SEMA3A: variants seen among roughly 807,000 people sequenced by gnomAD.
SEMA3A encodes semaphorin 3A.
Under a neutral mutation model 97.9 loss-of-function variants are expected in SEMA3A, and 29 were observed. That is an observed-to-expected ratio of 0.30 (90% CI 0.22 to 0.40). The LOEUF is 0.40. SEMA3A is among the 10% of genes least tolerant of loss of function. SEMA3A has a pLI of 1.00. For missense variants in SEMA3A, 763 were observed against 951.3 expected, an observed-to-expected ratio of 0.80 and a Z score of 2.60; for synonymous variants, 321 against 323.7, an observed-to-expected ratio of 0.99 and a Z score of 0.09.
intron 1 of SEMA3A, among the ~76,000 whole-genome samples, chr7:84,457,214 G>T (rs555550759): frequency 7.4e-4 from 113 of 151,724 alleles, no homozygotes; most frequent in African/African-American, 2.6e-3. Context: ...TAGTTTTCCT[G>T]AGTCAGTTAT....
intron 1 of SEMA3A, among the ~76,000 whole-genome samples, chr7:84,406,203 A>G (rs1804082157): frequency 1.3e-5 from 2 of 152,208 alleles, no homozygotes; most frequent in African/African-American, 4.8e-5. Flanking sequence ...GCAATAAAAA[A>G]TGACAAAGGG....
At chr7:84,218,658 C>A (rs530925445) in intron 3 of SEMA3A, among the ~76,000 whole-genome samples, 6 of 151,914 alleles carry the variant, frequency 3.9e-5, no homozygotes, top group Non-Finnish European at 7.4e-5. Flanking sequence ...GACATTTTTT[C>A]TTAAAAATAA....
chr7:84,136,948 AGGAGGGAGGGAAGAAGGAAG>A (rs1443371753), intron 1 of SEMA3A, among the ~76,000 whole-genome samples: 1 of 118,070 alleles, frequency 8.5e-6, no homozygotes, highest in Non-Finnish European at 1.9e-5. Flanking sequence ...GAGGGAGGGA[AGGAGGGAGGGAAGAAGGAAG>A]GAAGGAAGGA....
intron 1 of SEMA3A, among the ~76,000 whole-genome samples, chr7:84,450,709 C>G (rs891655432): frequency 3.3e-5 from 5 of 152,132 alleles, no homozygotes; most frequent in Non-Finnish European, 7.4e-5. Flanking sequence ...TTACAACATC[C>G]TAACAGGTGT....
chr7:84,118,224 C>T (rs1034314299), intron 3 of SEMA3A, among the ~76,000 whole-genome samples: 1 of 152,154 alleles, frequency 6.6e-6, no homozygotes, highest in Admixed American at 6.5e-5. Context: ...TCTATGAAAG[C>T]CTAGTCCTCT....
At chr7:84,194,226 C>T (rs1798140286) in intron 1 of SEMA3A, among the ~76,000 whole-genome samples, 1 of 151,982 alleles carries the variant, frequency 6.6e-6, no homozygotes, top group South Asian at 2.1e-4. Flanking sequence ...CAGCGTGTAC[C>T]AGGCATACAG....
At chr7:84,312,919 TATACACAC>T (rs1187874024) in intron 2 of SEMA3A, among the ~76,000 whole-genome samples, 6 of 31,068 alleles carry the variant, frequency 1.9e-4, no homozygotes, top group African/African-American at 5.6e-4. Context: ...TATATATATA[TATACACAC>T]ACACACACAC....
intron 1 of SEMA3A, among the ~76,000 whole-genome samples, chr7:84,168,517 T>C (rs1202939607): frequency 6.6e-6 from 1 of 151,932 alleles, no homozygotes; most frequent in African/African-American, 2.4e-5. Context: ...AAAATAGCAG[T>C]AATATTACAA....
chr7:83,975,382 T>C (rs779073787), intron 15 of SEMA3A, among the ~76,000 whole-genome samples: 2 of 152,154 alleles, frequency 1.3e-5, no homozygotes, highest in Non-Finnish European at 2.9e-5. Context: ...AGTCAATTGA[T>C]TAATTCATAA....
chr7:84,488,432 A>G lies in SEMA3A; in HGVS notation c.-246+4028T>C, dbSNP rs74723811. 5.7e-4 allele frequency among the ~76,000 whole-genome samples: 87 copies of G among 152,138 alleles called. 1 individual carries two copies. In the East Asian group the frequency reaches 0.016, roughly 28 times the overall value. On this transcript the variant is annotated intron_variant, in intron 1 of 3. Transcript: ENST00000424555. ...AAAAAACAAATACCCAGATAGTCCTATTGAATAACTGAGGCCTTAAAGTCT... is the reference window on the plus strand; with the variant it reads ...AAAAAACAAATACCCAGATAGTCCTGTTGAATAACTGAGGCCTTAAAGTCT...
At chr7:84,233,970 T>C (rs1799175469) in intron 3 of SEMA3A, among the ~76,000 whole-genome samples, 1 of 151,640 alleles carries the variant, frequency 6.6e-6, no homozygotes. Flanking sequence ...ACCGATGCTC[T>C]ATACTAAAAA....
At chr7:84,446,513 A>C (rs1584331193) in intron 1 of SEMA3A, among the ~76,000 whole-genome samples, 1 of 152,238 alleles carries the variant, frequency 6.6e-6, no homozygotes, top group Admixed American at 6.5e-5. Context: ...AAAATGGTTC[A>C]ACATAAGAAA....
At chr7:84,479,026 T>C (rs913281036) in intron 1 of SEMA3A, among the ~76,000 whole-genome samples, 10 of 152,194 alleles carry the variant, frequency 6.6e-5, no homozygotes, top group African/African-American at 2.4e-4. Context: ...TTCTTATCTT[T>C]CTTTGGACAT....
At chr7:84,442,269 G>C (rs1368239208) in intron 1 of SEMA3A, among the ~76,000 whole-genome samples, 1 of 152,000 alleles carries the variant, frequency 6.6e-6, no homozygotes, top group Non-Finnish European at 1.5e-5. Flanking sequence ...AAAATTATTA[G>C]TTTCAGTTTT....
intron 1 of SEMA3A, among the ~76,000 whole-genome samples, chr7:84,408,903 G>A (rs1584301262): frequency 6.6e-6 from 1 of 152,088 alleles, no homozygotes; most frequent in South Asian, 2.1e-4. Flanking sequence ...GTGGGGTTGG[G>A]GGAGCGGGGA....
At chr7:84,319,930 C>T (rs1394521183) in intron 2 of SEMA3A, among the ~76,000 whole-genome samples, 2 of 152,088 alleles carry the variant, frequency 1.3e-5, no homozygotes, top group Non-Finnish European at 2.9e-5. Flanking sequence ...ATTTAAAAAT[C>T]ACCATTCTAA....
chr7:84,394,152 A>C (rs1803663741), intron 1 of SEMA3A, among the ~76,000 whole-genome samples: 1 of 138,740 alleles, frequency 7.2e-6, no homozygotes, highest in African/African-American at 2.8e-5. Context: ...ATAGCAGATA[A>C]AGAATTAGAA....
At chr7:84,192,099 T>G (rs1366881426) in intron 1 of SEMA3A, among the ~76,000 whole-genome samples, 2 of 151,840 alleles carry the variant, frequency 1.3e-5, no homozygotes, top group African/African-American at 4.8e-5. Flanking sequence ...CAAGTGACCA[T>G]GGGAAATTAA....
intron 4 of SEMA3A, among the ~76,000 whole-genome samples, chr7:84,087,572 T>C (rs1309111392): frequency 6.6e-6 from 1 of 152,142 alleles, no homozygotes; most frequent in Non-Finnish European, 1.5e-5. Flanking sequence ...GATACTATCA[T>C]ATGAAAATAT....
Sources: gnomAD v4.1 joint callset for allele counts (sites outside exome capture counted in the v4.1 genomes callset) on GRCh38, gnomAD v4.1.1 for gene constraint, MANE v1.5 for transcripts, NCBI Gene and HGNC (gene_info 2026-07-23, HGNC 2026-07-21) for gene names.